Variants in CAMK1D observed in about 807,000 individuals in gnomAD.
The protein encoded by CAMK1D is calcium/calmodulin dependent protein kinase ID.
Under a neutral mutation model 47.7 loss-of-function variants are expected in CAMK1D, and 9 were observed. The ratio of observed to expected loss-of-function variants is 0.19; its 90% CI spans 0.11 to 0.33. The LOEUF (loss-of-function observed/expected upper bound fraction) is 0.33. CAMK1D is among the 10% of genes least tolerant of loss of function. CAMK1D has a pLI of 1.00. For synonymous variants in CAMK1D, 184 were observed against 184.9 expected, an observed-to-expected ratio of 0.99 and a Z score of 0.04; for missense variants, 291 against 488.7, an observed-to-expected ratio of 0.60 and a Z score of 3.81.
At chr10:12,568,503 C>T (rs893943323) in intron 2 of CAMK1D, among the ~76,000 whole-genome samples, 6 of 113,794 alleles carry the variant, frequency 5.3e-5, no homozygotes, top group Non-Finnish European at 1.1e-4. Flanking sequence ...CTCTCTCCTC[C>T]TCCCTCTTTC....
intron 1 of CAMK1D, among the ~76,000 whole-genome samples, chr10:12,467,326 T>A (rs11257810): frequency 0.018 from 2,690 of 152,236 alleles, 55 homozygotes; most frequent in East Asian, 0.081. Flanking sequence ...CTAATTCTTG[T>A]AATTTTAGTA....
intron 1 of CAMK1D, among the ~76,000 whole-genome samples, chr10:12,461,687 C>CA (rs57291391): frequency 0.027 from 2,468 of 90,130 alleles, 37 homozygotes; most frequent in South Asian, 0.042. Flanking sequence ...GGCTTCATCT[C>CA]AAAAAAAAAA....
At chr10:12,592,159 T>G (rs975622801) in intron 2 of CAMK1D, among the ~76,000 whole-genome samples, 2 of 152,246 alleles carry the variant, frequency 1.3e-5, no homozygotes, top group African/African-American at 4.8e-5. Context: ...TTGGGCCGGC[T>G]TGAAGTCCAC....
At position 12,814,106 on chromosome 10, in the gene CAMK1D, T is replaced by C. The variant is rs1832709471; in HGVS notation, c.642-89T>C. ...GCCTTGCCAGATTTTCTTAACTCAG[T>C]TGGTAATGTCTCTTCCTTCCAGGCA... On this transcript the variant is annotated intron_variant, in intron 6 of 10. Transcript: ENST00000619168. 3 of 851,660 alleles carry C rather than the reference T, an allele frequency of 3.5e-6. No homozygotes were observed. In the Admixed American group the frequency reaches 5.9e-5, roughly 17 times the overall value. 52.8% of individuals were successfully genotyped at this position (851,660 alleles called of 1,614,324 possible).
chr10:12,781,627 G>C (rs904219998), intron 5 of CAMK1D, among the ~76,000 whole-genome samples: 1 of 151,098 alleles, frequency 6.6e-6, no homozygotes, highest in East Asian at 2.0e-4. Context: ...GACAGATCAG[G>C]GTAAGCTGCT....
At chr10:12,693,956 TTA>T (rs1417206776) in intron 3 of CAMK1D, among the ~76,000 whole-genome samples, 1 of 60,662 alleles carries the variant, frequency 1.6e-5, no homozygotes, top group East Asian at 4.8e-4. Flanking sequence ...ATAATATATA[TTA>T]TATATAAAAT....
At position 12,719,073 on chromosome 10, in the gene CAMK1D, C is replaced by T. The variant is rs1199712025; in HGVS notation, c.300-41875C>T. 6.6e-5 allele frequency among the ~76,000 whole-genome samples: 10 copies of T among 152,320 alleles called. No homozygotes were observed. The East Asian group carries it at 9.6e-4, about 15-fold the overall frequency. On this transcript the variant is annotated intron_variant, in intron 3 of 10. Transcript: ENST00000619168. Reference sequence around the variant, plus strand: ...ATAGAGACAAGGTACGACAATTACACGATTTTTGACCGAAGGTTCTCATGG... The same window carrying T: ...ATAGAGACAAGGTACGACAATTACATGATTTTTGACCGAAGGTTCTCATGG...
At chr10:12,502,689 G>A (rs1461432874) in intron 1 of CAMK1D, among the ~76,000 whole-genome samples, 4 of 152,186 alleles carry the variant, frequency 2.6e-5, no homozygotes, top group Admixed American at 6.5e-5. Context: ...GGCCACTCTC[G>A]TTCCAGGTAT....
intron 1 of CAMK1D, among the ~76,000 whole-genome samples, chr10:12,531,520 A>C (rs190914537): frequency 3.3e-5 from 5 of 152,246 alleles, no homozygotes; most frequent in African/African-American, 9.6e-5. Flanking sequence ...GATGATAAAC[A>C]TAATGATTAC....
intron 6 of CAMK1D, among the ~76,000 whole-genome samples, chr10:12,803,527 C>T (rs892527769): frequency 5.0e-4 from 76 of 152,202 alleles, no homozygotes; most frequent in African/African-American, 1.8e-3. Context: ...ACTAAAAATA[C>T]AAAAATTAGC....
chr10:12,496,107 C>A (rs1834531337), intron 1 of CAMK1D, among the ~76,000 whole-genome samples: 1 of 152,042 alleles, frequency 6.6e-6, no homozygotes, highest in South Asian at 2.1e-4. Context: ...GGGAGTTAGC[C>A]CACCGTGCCC....
At chr10:12,695,060 A>ATAGATAGATAGATAGATACATAGG (rs1554811991) in intron 3 of CAMK1D, among the ~76,000 whole-genome samples, 68 of 86,022 alleles carry the variant, frequency 7.9e-4, no homozygotes, top group East Asian at 2.1e-3. Flanking sequence ...AGATAGATAG[A>ATAGATAGATAGATAGATACATAGG]TAGATACATA....
At chr10:12,828,671 C>G (rs1390726212) in intron 10 of CAMK1D, 98 bp from the exon 11 acceptor site, 2 of 921,686 alleles carry the variant, frequency 2.2e-6, no homozygotes, top group Non-Finnish European at 3.3e-6. Context: ...CCCCCCCGCC[C>G]CCCACCATAA....
At chr10:12,807,186 A>G (rs1394796014) in intron 6 of CAMK1D, among the ~76,000 whole-genome samples, 2 of 152,192 alleles carry the variant, frequency 1.3e-5, no homozygotes, top group Admixed American at 6.5e-5. Flanking sequence ...TACCTGGTCC[A>G]GCTCTGCCCG....
intron 2 of CAMK1D, among the ~76,000 whole-genome samples, chr10:12,639,621 T>C (rs6602603): frequency 0.39 from 58,886 of 152,046 alleles, 11,555 homozygotes; most frequent in East Asian, 0.52. Context: ...GCATTTTCTC[T>C]AGCACACAAT....
chr10:12,627,564 G>A (rs1564454936), intron 2 of CAMK1D, among the ~76,000 whole-genome samples: 1 of 151,998 alleles, frequency 6.6e-6, no homozygotes, highest in Non-Finnish European at 1.5e-5. Flanking sequence ...CCACTGTCCT[G>A]TACAACCACT....
At chr10:12,803,375 C>T (rs968571377) in intron 6 of CAMK1D, among the ~76,000 whole-genome samples, 1 of 152,198 alleles carries the variant, frequency 6.6e-6, no homozygotes, top group Non-Finnish European at 1.5e-5. Context: ...AACACCAGTG[C>T]CCTGTCAGTA....
At chr10:12,537,378 T>G (rs963532558) in intron 1 of CAMK1D, among the ~76,000 whole-genome samples, 1 of 152,234 alleles carries the variant, frequency 6.6e-6, no homozygotes, top group African/African-American at 2.4e-5. Flanking sequence ...AGCCTAATGC[T>G]TTTATTTTTA....
intron 1 of CAMK1D, among the ~76,000 whole-genome samples, chr10:12,548,918 C>T (rs952956277): frequency 6.6e-6 from 1 of 151,758 alleles, no homozygotes; most frequent in African/African-American, 2.4e-5. Flanking sequence ...TGCATAGGCG[C>T]GATCTCAGCT....
Sources: allele counts gnomAD v4.1 joint callset (sites outside exome capture counted in the v4.1 genomes callset), GRCh38; gene constraint gnomAD v4.1.1; transcripts MANE v1.5; gene names NCBI Gene and HGNC (gene_info 2026-07-23, HGNC 2026-07-21).